The following ACSM1 variants were observed in gnomAD, a reference collection of about 807,000 sequenced individuals.
ACSM1 encodes acyl-CoA synthetase medium chain family member 1, also known as acyl-coenzyme A synthetase ACSM1, mitochondrial.
ACSM1 carries 79 observed loss-of-function variants against 75.8 expected under a neutral mutation model. The ratio of observed to expected loss-of-function variants is 1.04; its 90% CI spans 0.87 to 1.26. The LOEUF (loss-of-function observed/expected upper bound fraction) is 1.26, where lower values mean the gene tolerates loss of function less well. ACSM1 is among the 50% of genes most tolerant of loss of function. ACSM1 has a pLI of 0.00. For synonymous variants in ACSM1, 279 were observed against 265.8 expected (o/e 1.05, Z -0.48); for missense variants, 676 against 720.1 (o/e 0.94, Z 0.70).
chr16:20,634,482 T>C (rs1014808484), intron 10 of ACSM1, among the ~76,000 whole-genome samples: 1 of 152,248 alleles, frequency 6.6e-6, no homozygotes, highest in Non-Finnish European at 1.5e-5. Context: ...CAAAATGTGT[T>C]GTATACATAC....
At chr16:20,627,572 T>C (rs536409740) in intron 10 of ACSM1, among the ~76,000 whole-genome samples, 15 of 152,236 alleles carry the variant, frequency 9.9e-5, no homozygotes, top group African/African-American at 3.4e-4. Flanking sequence ...GGCTCACGCC[T>C]GTAATCCCAA....
rs1368547143 is a variant in ACSM1 at position 20,682,251 on chromosome 16, CT to C, written c.611+4del. On this transcript the variant is annotated splice_donor_region_variant and intron_variant, in intron 4 of 13. Transcript: ENST00000520010. ...GAGATTATATTCATCAGACCAGAGA[CT>C]CACTTAACCAGCGATCGGAAGTCCA... 7 of 1,612,302 alleles carry C rather than the reference CT, an allele frequency of 4.3e-6. No individual in the cohort carries two copies. The South Asian group carries it at 6.6e-5, about 15-fold the overall frequency.
intron 6 of ACSM1, among the ~76,000 whole-genome samples, chr16:20,667,511 C>T (rs1443615023): frequency 6.6e-6 from 1 of 152,054 alleles, no homozygotes; most frequent in Non-Finnish European, 1.5e-5. Context: ...AAAACAAATG[C>T]TGGTGAGGCT....
chr16:20,661,495 T>G (rs906389366), intron 7 of ACSM1, among the ~76,000 whole-genome samples: 8 of 152,160 alleles, frequency 5.3e-5, no homozygotes, highest in Admixed American at 5.2e-4. Flanking sequence ...ACACAGATAT[T>G]TTAATTTCAA....
intron 6 of ACSM1, among the ~76,000 whole-genome samples, chr16:20,664,397 A>T (rs2019460108): frequency 6.6e-6 from 1 of 152,164 alleles, no homozygotes; most frequent in Non-Finnish European, 1.5e-5. Context: ...AGCAATGATT[A>T]GGAAGGACAA....
Position 20,636,694 on chromosome 16 carries a change from T to C in ACSM1, c.1299+45A>G, listed in dbSNP as rs199980736. 104 of 1,434,802 alleles carry C rather than the reference T, an allele frequency of 7.2e-5. No homozygotes were observed. In the African/African-American group the frequency reaches 9.8e-4, roughly 14 times the overall value. The allele number at this position is 1,434,802 out of a possible 1,614,324, so 88.9% of individuals were successfully genotyped here. On this transcript the variant is annotated intron_variant, in intron 10 of 13. Coordinates refer to ENST00000520010, the MANE Select transcript of ACSM1 (RefSeq NM_001318890.3). ...AAGCCTCAGGATGCAGAGCTCCCTG[T>C]TGGGATCCTTGGGGCCAGGATGGGG...
At chr16:20,653,410 C>T (rs1490571722) in intron 7 of ACSM1, among the ~76,000 whole-genome samples, 5 of 152,116 alleles carry the variant, frequency 3.3e-5, no homozygotes, top group Non-Finnish European at 5.9e-5. Flanking sequence ...CCAGGGCAAT[C>T]AGGCAGGAGA....
chr16:20,668,672 G>T (rs930751942), intron 6 of ACSM1, among the ~76,000 whole-genome samples: 2 of 152,080 alleles, frequency 1.3e-5, no homozygotes, highest in Admixed American at 6.6e-5. Context: ...GAAAAATGGA[G>T]GTGAAGGAAA....
chr16:20,691,155 C>G lies in ACSM1; in HGVS notation c.34G>C (p.Gly12Arg). The change falls in exon 2 of 14, where the codon GGC (glycine) becomes CGC (arginine). Residue 12 changes from glycine (G) to arginine (R), a missense_variant. Transcript: ENST00000520010. ...QWLMRFRTLW[G>R]IHKSFHNIHP... ...ATGTTGTGGAAGGATTTGTGGATGC[C>G]CCAGAGGGTCCGGAACCTCATTAGC... 6.2e-7 allele frequency: 1 copy of G among 1,610,228 alleles called. No homozygotes were observed. Among genetic ancestry groups the G allele is most frequent in the African/African-American group, 1.3e-5 (1 of 74,778 alleles).
At chr16:20,660,243 C>A (rs996445770) in intron 7 of ACSM1, among the ~76,000 whole-genome samples, 9 of 152,160 alleles carry the variant, frequency 5.9e-5, no homozygotes, top group Admixed American at 3.3e-4. Context: ...CAAAAACAAT[C>A]ACAAAATAAT....
chr16:20,674,136 G>A (rs761956541), intron 4 of ACSM1: 1 of 442,978 alleles, frequency 2.3e-6, no homozygotes, highest in South Asian at 1.6e-5. Flanking sequence ...TAAAGAATGT[G>A]TAAGCAAAAA....
In ACSM1 at chr16:20,623,283, A is replaced by C; in HGVS notation, c.*203T>G. The C allele has an allele frequency of 1.8e-6, 1 of 555,978 alleles. No homozygotes were observed. Among genetic ancestry groups the C allele is most frequent in the Non-Finnish European group, 3.2e-6 (1 of 309,580 alleles). The allele number at this position is 555,978 out of a possible 1,614,324, so 34.4% of individuals were successfully genotyped here. A position where few individuals can be genotyped will look rare whatever the true frequency, so the allele number is the denominator to read the frequency against. On this transcript the variant is annotated 3_prime_UTR_variant, in exon 14 of 14. Transcript: ENST00000520010. ...CTTGCGTTATGAGTGCTCACCTGGG[A>C]AATTCTAAAGATACAGAGGACTTGG...
intron 6 of ACSM1, among the ~76,000 whole-genome samples, chr16:20,665,715 A>C (rs552344588): frequency 6.1e-4 from 93 of 152,304 alleles, no homozygotes; most frequent in African/African-American, 2.2e-3. Flanking sequence ...TCCCTGATAA[A>C]CGTAGATGCA....
chr16:20,639,732 T>C (rs1027410586), intron 8 of ACSM1, among the ~76,000 whole-genome samples: 2 of 152,202 alleles, frequency 1.3e-5, no homozygotes, highest in Non-Finnish European at 2.9e-5. Context: ...TGGGGCTGTG[T>C]CCCGCACATG....
chr16:20,631,496 G>A (rs927665318), intron 10 of ACSM1, among the ~76,000 whole-genome samples: 1 of 152,142 alleles, frequency 6.6e-6, no homozygotes, highest in Admixed American at 6.5e-5. Flanking sequence ...ACTACCATTC[G>A]ATCCAGCAAT....
At chr16:20,665,695 C>G (rs1254238175) in intron 6 of ACSM1, among the ~76,000 whole-genome samples, 2 of 152,054 alleles carry the variant, frequency 1.3e-5, no homozygotes, top group African/African-American at 4.8e-5. Context: ...AAGAAAACTC[C>G]AGGCCAATAT....
chr16:20,685,298 T>C lies in ACSM1; in HGVS notation c.298A>G (p.Asn100Asp), dbSNP rs758677936. ...EMGDLTRRVANVFTQTCGLQQ... is the reference protein window; with the variant it reads ...EMGDLTRRVADVFTQTCGLQQ... ...AGGCCACAGGTCTGTGTGAAGACGT[T>C]GGCTACACGGCGGGTTAGGTCTCCC... Residue 100 changes from asparagine to aspartate, a missense_variant, in exon 3 of 14, where the codon AAC becomes GAC. Coordinates refer to ENST00000520010, the MANE Select transcript of ACSM1 (RefSeq NM_001318890.3). 16 of 1,614,080 alleles carry C rather than the reference T, an allele frequency of 9.9e-6. No individual in the cohort carries two copies. Among genetic ancestry groups the C allele is most frequent in the Middle Eastern group, 3.3e-4 (2 of 6,084 alleles).
chr16:20,637,571 C>T lies in ACSM1; in HGVS notation c.1117-120G>A, dbSNP rs939563052. On this transcript the variant is annotated intron_variant, in intron 8 of 13. Coordinates refer to ENST00000520010, the MANE Select transcript of ACSM1 (RefSeq NM_001318890.3). Reference sequence around the variant, plus strand: ...GTAGTATTCCTCTCAATGGATGCTGCCCAAAGAGCCCTCGTAGGGAAGCTG... The same window carrying T: ...GTAGTATTCCTCTCAATGGATGCTGTCCAAAGAGCCCTCGTAGGGAAGCTG... The T allele has an allele frequency of 8.0e-6, 7 of 880,192 alleles. No homozygotes were observed. In the African/African-American group the frequency reaches 9.8e-5, roughly 12 times the overall value. 54.5% of individuals were successfully genotyped at this position (880,192 alleles called of 1,614,324 possible).
chr16:20,692,273 C>T (rs2079661133), intron 1 of ACSM1, among the ~76,000 whole-genome samples: 1 of 152,116 alleles, frequency 6.6e-6, no homozygotes, highest in Non-Finnish European at 1.5e-5. Context: ...GGTTGGGGTA[C>T]GGCTTGGTTT....
Sources: gnomAD v4.1 joint callset for allele counts (sites outside exome capture counted in the v4.1 genomes callset) on GRCh38, gnomAD v4.1.1 for gene constraint, MANE v1.5 for transcripts, NCBI Gene and HGNC (gene_info 2026-07-23, HGNC 2026-07-21) for gene names.